The following RBFOX1 variants were observed in gnomAD, a reference collection of about 807,000 sequenced individuals.
RBFOX1 encodes RNA binding fox-1 homolog 1, also known as RNA binding protein fox-1 homolog 1.
Under a neutral mutation model 57.7 loss-of-function variants are expected in RBFOX1, and 8 were observed. The observed-to-expected ratio is 0.14, with a 90% CI of 0.08 to 0.25. RBFOX1 has a LOEUF of 0.25. Among genes scored for constraint, RBFOX1 ranks in the 10% least tolerant of loss-of-function variants. RBFOX1 has a pLI of 1.00. For missense variants in RBFOX1, 611 were observed against 548.5 expected, an observed-to-expected ratio of 1.11 and a Z score of -1.14; for synonymous variants, 326 against 222.4, an observed-to-expected ratio of 1.47 and a Z score of -4.15.
intron 1 of RBFOX1, among the ~76,000 whole-genome samples, chr16:6,299,457 G>A (rs1288806509): frequency 6.6e-6 from 1 of 152,154 alleles, no homozygotes; most frequent in East Asian, 1.9e-4. Flanking sequence ...GCTCAGAGAG[G>A]TCGAGTAACT....
intron 2 of RBFOX1, among the ~76,000 whole-genome samples, chr16:5,592,878 G>A (rs1459200936): frequency 6.6e-6 from 1 of 152,120 alleles, no homozygotes; most frequent in African/African-American, 2.4e-5. Context: ...GTGGGCCCTG[G>A]CAGCCTGGTA....
intron 2 of RBFOX1, among the ~76,000 whole-genome samples, chr16:6,613,000 AGC>A (rs2098086842): frequency 7.4e-6 from 1 of 135,302 alleles, no homozygotes; most frequent in Non-Finnish European, 1.6e-5. Context: ...TGCCAGTCCC[AGC>A]ATGTGTGTGT....
chr16:6,033,133 G>C (rs977148827), intron 1 of RBFOX1, among the ~76,000 whole-genome samples: 1 of 152,136 alleles, frequency 6.6e-6, no homozygotes. Context: ...CTAATAGTTA[G>C]TTCCTCCGCA....
At chr16:7,685,090 C>T (rs2075771852) in intron 14 of RBFOX1, among the ~76,000 whole-genome samples, 1 of 152,034 alleles carries the variant, frequency 6.6e-6, no homozygotes, top group Non-Finnish European at 1.5e-5. Context: ...GAATCCCAAA[C>T]CCCAGTCCCA....
At chr16:6,454,600 T>C (rs2094713887) in intron 2 of RBFOX1, among the ~76,000 whole-genome samples, 1 of 152,108 alleles carries the variant, frequency 6.6e-6, no homozygotes, top group South Asian at 2.1e-4. Context: ...AAAAACACCT[T>C]AAACAAATAA....
intron 3 of RBFOX1, among the ~76,000 whole-genome samples, chr16:5,648,925 G>T (rs2049139122): frequency 6.6e-6 from 1 of 151,882 alleles, no homozygotes; most frequent in Non-Finnish European, 1.5e-5. Context: ...TTAGCCGGGT[G>T]TGATGGTTCT....
chr16:6,895,642 C>T (rs1004907408), intron 3 of RBFOX1, among the ~76,000 whole-genome samples: 1 of 151,294 alleles, frequency 6.6e-6, no homozygotes, highest in African/African-American at 2.4e-5. Flanking sequence ...AGATCCTTGA[C>T]AATGCCAATG....
intron 4 of RBFOX1, among the ~76,000 whole-genome samples, chr16:7,231,214 C>T (rs1008957098): frequency 2.8e-4 from 42 of 152,156 alleles, no homozygotes; most frequent in Non-Finnish European, 1.6e-4. Context: ...AGCTAGAATA[C>T]GCTTGTTTAT....
chr16:7,513,189 G>A (rs570729813), intron 4 of RBFOX1, among the ~76,000 whole-genome samples: 5 of 152,186 alleles, frequency 3.3e-5, no homozygotes, highest in South Asian at 2.1e-4. Flanking sequence ...CTTGAACCTC[G>A]GAGGCGGAGG....
At chr16:7,345,850 T>C (rs1346776130) in intron 4 of RBFOX1, among the ~76,000 whole-genome samples, 1 of 152,226 alleles carries the variant, frequency 6.6e-6, no homozygotes. Context: ...TATTATACTT[T>C]AAGTTCTAGG....
intron 3 of RBFOX1, among the ~76,000 whole-genome samples, chr16:5,832,979 A>G (rs994570486): frequency 1.3e-5 from 2 of 152,152 alleles, no homozygotes; most frequent in Non-Finnish European, 2.9e-5. Context: ...TTTGGGCCAC[A>G]GGTGTTTTTG....
intron 4 of RBFOX1, among the ~76,000 whole-genome samples, chr16:5,977,256 C>G (rs2060083516): frequency 1.3e-5 from 2 of 152,212 alleles, no homozygotes; most frequent in South Asian, 4.1e-4. Flanking sequence ...CTCACCACCT[C>G]TCTGCCTGCC....
At chr16:5,598,865 C>A in intron 2 of RBFOX1, 1 of 1,448,588 alleles carries the variant, frequency 6.9e-7, no homozygotes, top group Non-Finnish European at 9.1e-7. Flanking sequence ...AACCCGGCTT[C>A]CCCAACCTTT....
At chr16:6,197,089 G>C (rs1598288509) in intron 1 of RBFOX1, among the ~76,000 whole-genome samples, 1 of 152,208 alleles carries the variant, frequency 6.6e-6, no homozygotes, top group East Asian at 1.9e-4. Flanking sequence ...AGTGATTTAA[G>C]GACAAATAGA....
At chr16:5,898,770 T>A (rs1382441492) in intron 4 of RBFOX1, among the ~76,000 whole-genome samples, 1 of 151,788 alleles carries the variant, frequency 6.6e-6, no homozygotes. Context: ...TATAAAAAAA[T>A]AGCTACTGGT....
chr16:5,903,457 A>G (rs2058360856), intron 4 of RBFOX1, among the ~76,000 whole-genome samples: 1 of 152,112 alleles, frequency 6.6e-6, no homozygotes, highest in Non-Finnish European at 1.5e-5. Context: ...TATGGGGTAC[A>G]GTTGCTGTGT....
chr16:6,901,446 G>C (rs1027012282), intron 3 of RBFOX1, among the ~76,000 whole-genome samples: 3 of 152,116 alleles, frequency 2.0e-5, no homozygotes, highest in Non-Finnish European at 4.4e-5. Flanking sequence ...AGGTCAAAGG[G>C]TGCCTGGCCT....
At chr16:5,681,395 T>TC (rs2050332698) in intron 3 of RBFOX1, among the ~76,000 whole-genome samples, 1 of 150,042 alleles carries the variant, frequency 6.7e-6, no homozygotes, top group Admixed American at 6.6e-5. Context: ...TTTTCTTTTT[T>TC]TTTTTTTTTT....
At chr16:6,828,133 G>A (rs1213098371) in intron 3 of RBFOX1, among the ~76,000 whole-genome samples, 1 of 152,186 alleles carries the variant, frequency 6.6e-6, no homozygotes, top group Non-Finnish European at 1.5e-5. Flanking sequence ...CAGTCAGGAA[G>A]CAATTTGGCT....
Sources: allele counts gnomAD v4.1 joint callset (sites outside exome capture counted in the v4.1 genomes callset), GRCh38; gene constraint gnomAD v4.1.1; transcripts MANE v1.5; gene names NCBI Gene and HGNC (gene_info 2026-07-23, HGNC 2026-07-21).